Variants in NCKAP5 observed in about 807,000 individuals in gnomAD.
NCKAP5 encodes NCK associated protein 5.
Under a neutral mutation model 167.0 loss-of-function variants are expected in NCKAP5, and 92 were observed. The observed-to-expected ratio is 0.55, with a 90% CI of 0.47 to 0.66. The LOEUF (loss-of-function observed/expected upper bound fraction) is 0.66. Among genes scored for constraint, NCKAP5 ranks in the 30% least tolerant of loss-of-function variants. The pLI, the probability that NCKAP5 is intolerant of heterozygous loss-of-function variation, is 0.00. For synonymous variants in NCKAP5, 891 were observed against 877.4 expected (o/e 1.02, Z -0.27); for missense variants, 2,378 against 2,315.0 (o/e 1.03, Z -0.56).
intron 9 of NCKAP5, among the ~76,000 whole-genome samples, chr2:132,875,303 C>A (rs1399719601): frequency 6.6e-6 from 1 of 152,182 alleles, no homozygotes; most frequent in East Asian, 1.9e-4. Flanking sequence ...TGAGACCTCA[C>A]CTGCTGCAGC....
chr2:132,735,910 C>T lies in NCKAP5; in HGVS notation c.5129-3859G>A, dbSNP rs184242816. 2.6e-5 allele frequency among the ~76,000 whole-genome samples: 4 copies of T among 152,234 alleles called. No homozygotes were observed. The East Asian group carries it at 7.7e-4, about 29-fold the overall frequency. On this transcript the variant is annotated intron_variant, in intron 16 of 19. Transcript: ENST00000409261. ...TCTAAGTCTGGAGCCTTTCTGAAGA[C>T]AACAACATTTTCTAGCATCAGTCCC...
At position 132,738,652 on chromosome 2, in the gene NCKAP5, G is replaced by A. The variant is rs148908598; in HGVS notation, c.5129-6601C>T. 2.0e-4 allele frequency among the ~76,000 whole-genome samples: 31 copies of A among 152,216 alleles called. No individual in the cohort carries two copies. In the East Asian group the frequency reaches 6.0e-3, roughly 29 times the overall value. ...TAGTCCATGTTGCATTGCTATAAAT[G>A]GGTACCTAAGACTGAATAACTTATA... On this transcript the variant is annotated intron_variant, in intron 16 of 19. Transcript: ENST00000409261.
At chr2:133,186,197 T>C (rs1473263936) in intron 5 of NCKAP5, among the ~76,000 whole-genome samples, 2 of 152,036 alleles carry the variant, frequency 1.3e-5, no homozygotes, top group Non-Finnish European at 2.9e-5. Context: ...TTTAAGGCTT[T>C]TTAGGTGATT....
At chr2:132,937,595 G>A (rs893425921) in intron 8 of NCKAP5, among the ~76,000 whole-genome samples, 3 of 152,178 alleles carry the variant, frequency 2.0e-5, no homozygotes, top group African/African-American at 7.2e-5. Context: ...AAAACTTGAT[G>A]ACCCCTGGGG....
At chr2:133,293,995 A>C (rs1399216730) in intron 4 of NCKAP5, among the ~76,000 whole-genome samples, 1 of 152,178 alleles carries the variant, frequency 6.6e-6, no homozygotes, top group African/African-American at 2.4e-5. Flanking sequence ...CAGCAGGGTG[A>C]ATCAGGGATG....
chr2:133,082,020 A>G (rs546419504), intron 6 of NCKAP5, among the ~76,000 whole-genome samples: 1 of 152,048 alleles, frequency 6.6e-6, no homozygotes, highest in Non-Finnish European at 1.5e-5. Flanking sequence ...TGGTTTTTCG[A>G]TCCTCTCCCT....
intron 5 of NCKAP5, among the ~76,000 whole-genome samples, chr2:133,203,178 G>A (rs1399581459): frequency 2.0e-5 from 3 of 152,096 alleles, no homozygotes; most frequent in African/African-American, 7.2e-5. Context: ...AAGAAAATGT[G>A]GCACATATAC....
chr2:132,677,522 T>C lies in NCKAP5; in HGVS notation c.5714-4217A>G, dbSNP rs547826091. 3.3e-5 allele frequency among the ~76,000 whole-genome samples: 5 copies of C among 152,196 alleles called. No individual in the cohort carries two copies. In the East Asian group the frequency reaches 7.8e-4, roughly 24 times the overall value. ...GTCTTGATTCTCAGAGGAAGTTTTA[T>C]AGAAAAGGGTGCTCTTGGAATGGTT... On this transcript the variant is annotated intron_variant, in intron 19 of 19. Transcript: ENST00000409261.
At chr2:133,353,038 A>G (rs1229587753) in intron 3 of NCKAP5, among the ~76,000 whole-genome samples, 2 of 152,214 alleles carry the variant, frequency 1.3e-5, no homozygotes, top group African/African-American at 2.4e-5. Flanking sequence ...TCTTGGGTGG[A>G]CAGGACTTGA....
At chr2:133,094,163 T>C (rs1180739491) in intron 6 of NCKAP5, among the ~76,000 whole-genome samples, 1 of 152,172 alleles carries the variant, frequency 6.6e-6, no homozygotes, top group Non-Finnish European at 1.5e-5. Flanking sequence ...TAGTGAACAT[T>C]GTCGCCGGAT....
intron 4 of NCKAP5, among the ~76,000 whole-genome samples, chr2:133,216,823 T>C (rs1574410076): frequency 6.6e-6 from 1 of 152,060 alleles, no homozygotes; most frequent in African/African-American, 2.4e-5. Flanking sequence ...AGAGTGGCTG[T>C]GTCGGAGGAG....
At chr2:132,707,031 CA>C (rs946494113) in intron 19 of NCKAP5, among the ~76,000 whole-genome samples, 83 of 152,292 alleles carry the variant, frequency 5.5e-4, no homozygotes, top group African/African-American at 1.9e-3. Context: ...ATAATCCACA[CA>C]AAAAGACATC....
chr2:133,114,190 T>C (rs1182341923), intron 6 of NCKAP5, among the ~76,000 whole-genome samples: 1 of 152,236 alleles, frequency 6.6e-6, no homozygotes, highest in Non-Finnish European at 1.5e-5. Context: ...TATTAAGTTC[T>C]GTTAATTTCT....
At chr2:132,781,853 G>A (rs1683059724) in intron 14 of NCKAP5, 87 bp downstream of exon 14, 1 of 1,251,822 alleles carries the variant, frequency 8.0e-7, no homozygotes, top group African/African-American at 1.5e-5. Flanking sequence ...ATGCTTGACT[G>A]GCCTTTAATG....
the NCKAP5 span, among the ~76,000 whole-genome samples, chr2:133,617,964 C>G: frequency 6.6e-6 from 1 of 152,066 alleles, no homozygotes; most frequent in African/African-American, 2.4e-5. Flanking sequence ...AGATATAGAT[C>G]AATGGAACAG....
At chr2:132,801,990 C>A (rs1330778727) in intron 11 of NCKAP5, among the ~76,000 whole-genome samples, 2 of 152,180 alleles carry the variant, frequency 1.3e-5, no homozygotes, top group Admixed American at 6.5e-5. Context: ...GTTGGCCAGG[C>A]TGGTCTCAAA....
At chr2:133,337,700 G>T (rs1309807418) in intron 3 of NCKAP5, among the ~76,000 whole-genome samples, 1 of 152,162 alleles carries the variant, frequency 6.6e-6, no homozygotes, top group East Asian at 1.9e-4. Flanking sequence ...AAGGAGAGGG[G>T]TTGCAGAGGA....
intron 9 of NCKAP5, 125 bp downstream of exon 9, chr2:132,878,723 C>T (rs1691514627): frequency 1.3e-6 from 1 of 750,490 alleles, no homozygotes; most frequent in East Asian, 2.5e-5. Context: ...ATGTTTACTA[C>T]ATTTCTTTGG....
At chr2:133,521,792 C>A (rs1684500012) in intron 2 of NCKAP5, among the ~76,000 whole-genome samples, 1 of 152,172 alleles carries the variant, frequency 6.6e-6, no homozygotes, top group South Asian at 2.1e-4. Context: ...AGGGGTTCAA[C>A]ATATGAAATT....
Sources: allele counts gnomAD v4.1 joint callset (sites outside exome capture counted in the v4.1 genomes callset), GRCh38; gene constraint gnomAD v4.1.1; transcripts MANE v1.5; gene names NCBI Gene and HGNC (gene_info 2026-07-23, HGNC 2026-07-21).